EIPR1: variants seen among roughly 807,000 people sequenced by gnomAD.
The protein encoded by EIPR1 is EARP and GARP complex-interacting protein 1.
EIPR1 carries 25 observed loss-of-function variants against 48.1 expected under a neutral mutation model. The observed-to-expected ratio is 0.52, with a 90% confidence interval of 0.38 to 0.73. The LOEUF is 0.73. EIPR1 is among the 30% of genes least tolerant of loss of function. The pLI is 0.00. For missense variants in EIPR1, 415 were observed against 506.2 expected (o/e 0.82, Z 1.73); for synonymous variants, 204 against 201.9 (o/e 1.01, Z -0.09).
At chr2:3,349,176 G>A (rs574829525) in intron 2 of EIPR1, among the ~76,000 whole-genome samples, 1 of 152,376 alleles carries the variant, frequency 6.6e-6, no homozygotes, top group African/African-American at 2.4e-5. Context: ...AGCGAGCAGA[G>A]AGAGGCAGAC....
intron 3 of EIPR1, chr2:3,301,488 G>A (rs1341109140): frequency 1.3e-5 from 2 of 152,188 alleles, no homozygotes; most frequent in African/African-American, 2.4e-5. Context: ...TGAACACTGA[G>A]GAGTCTCCCA....
chr2:3,199,301 G>A (rs532032408), intron 5 of EIPR1, among the ~76,000 whole-genome samples: 8 of 152,172 alleles, frequency 5.3e-5, no homozygotes, highest in East Asian at 3.9e-4. Context: ...CATGCTTTAC[G>A]AACAATGTGT....
rs954268903 is a variant in EIPR1 at position 3,225,195 on chromosome 2, G to T, written c.417-10947C>A. On this transcript the variant is annotated intron_variant, in intron 4 of 8. Coordinates refer to ENST00000382125, the MANE Select transcript of EIPR1 (RefSeq NM_003310.5). ...GAAGTGTCCTTGACAAATAGAATTT[G>T]TGTATATTTAGGTAGTACACTGTGA... 4.0e-5 allele frequency among the ~76,000 whole-genome samples: 6 copies of T among 150,962 alleles called. No individual in the cohort carries two copies. The East Asian group carries it at 1.2e-3, about 29-fold the overall frequency.
intron 1 of EIPR1, among the ~76,000 whole-genome samples, chr2:3,365,871 T>C (rs1200807305): frequency 6.6e-6 from 1 of 152,020 alleles, no homozygotes; most frequent in Non-Finnish European, 1.5e-5. Context: ...CTCCCATGTC[T>C]ACCTCTTTCT....
chr2:3,336,368 C>T (rs1670041885), intron 3 of EIPR1, among the ~76,000 whole-genome samples: 1 of 152,190 alleles, frequency 6.6e-6, no homozygotes, highest in Non-Finnish European at 1.5e-5. Flanking sequence ...GGACCCCCAA[C>T]CTCCCGCTGG....
chr2:3,201,430 C>T (rs556437764), intron 5 of EIPR1, among the ~76,000 whole-genome samples: 1 of 152,362 alleles, frequency 6.6e-6, no homozygotes, highest in African/African-American at 2.4e-5. Context: ...TCAGATTTTA[C>T]AGCATCTCTT....
At chr2:3,355,627 T>C (rs929512484) in intron 1 of EIPR1, among the ~76,000 whole-genome samples, 1 of 151,878 alleles carries the variant, frequency 6.6e-6, no homozygotes, top group Admixed American at 6.6e-5. Flanking sequence ...ATCTGGGCAA[T>C]ATAGCAAGAC....
At chr2:3,196,818 A>T (rs751172882) in intron 6 of EIPR1, 63 bp downstream of exon 6, 138 of 1,583,194 alleles carry the variant, frequency 8.7e-5, no homozygotes, top group Non-Finnish European at 1.1e-4. Context: ...CTCCACCATC[A>T]TCCCGGTTCT....
chr2:3,240,818 A>C (rs1398158323), intron 4 of EIPR1, among the ~76,000 whole-genome samples: 1 of 150,128 alleles, frequency 6.7e-6, no homozygotes, highest in Non-Finnish European at 1.5e-5. Flanking sequence ...ACCCTTCCTA[A>C]AGCAAAGCCA....
At chr2:3,362,343 A>G (rs1405663459) in intron 1 of EIPR1, among the ~76,000 whole-genome samples, 1 of 122,428 alleles carries the variant, frequency 8.2e-6, no homozygotes, top group African/African-American at 3.1e-5. Context: ...TCCCAGCCCC[A>G]CACCCAATAC....
chr2:3,326,667 A>G (rs11677103), intron 3 of EIPR1, among the ~76,000 whole-genome samples: 27,898 of 152,088 alleles, frequency 0.18, 2,661 homozygotes, highest in Non-Finnish European at 0.21. Flanking sequence ...CGTCACACAC[A>G]TTTCACTTCC....
intron 4 of EIPR1, among the ~76,000 whole-genome samples, chr2:3,243,805 G>C (rs1251198143): frequency 6.6e-6 from 1 of 152,116 alleles, no homozygotes; most frequent in Admixed American, 6.5e-5. Flanking sequence ...CCACAACCCG[G>C]GCAAGCCTGT....
At chr2:3,331,937 ACAC>A (rs1192298604) in intron 3 of EIPR1, among the ~76,000 whole-genome samples, 2 of 2,796 alleles carry the variant, frequency 7.2e-4, no homozygotes, top group South Asian at 0.019. Context: ...AGGTGTGTAT[ACAC>A]TCATGAGATG....
rs531094787 is a variant in EIPR1, at chr2:3,371,732, T to C, written c.42+5916A>G. Among the ~76,000 whole-genome samples, 99 of 152,230 alleles carry C rather than the reference T, an allele frequency of 6.5e-4. 1 individual carries two copies. Among genetic ancestry groups the C allele is most frequent in the Middle Eastern group, 3.4e-3 (1 of 294 alleles). On this transcript the variant is annotated intron_variant, in intron 1 of 8. Transcript: ENST00000382125. ...TACAGGAGCACCCAGATTCATAAAGTAAGTCCTGAGTGACCTACAAAGAGA... is the reference window on the plus strand; with the variant it reads ...TACAGGAGCACCCAGATTCATAAAGCAAGTCCTGAGTGACCTACAAAGAGA...
intron 5 of EIPR1, among the ~76,000 whole-genome samples, chr2:3,200,965 C>A (rs867201789): frequency 6.6e-6 from 1 of 152,170 alleles, no homozygotes; most frequent in African/African-American, 2.4e-5. Flanking sequence ...GTGACGGCAG[C>A]ATGTGCAGCA....
At chr2:3,328,069 C>T (rs1053128347) in intron 3 of EIPR1, among the ~76,000 whole-genome samples, 4 of 152,120 alleles carry the variant, frequency 2.6e-5, no homozygotes, top group African/African-American at 9.7e-5. Flanking sequence ...TGGGCCAGAG[C>T]CATAGAAAGG....
intron 3 of EIPR1, among the ~76,000 whole-genome samples, chr2:3,262,768 A>T (rs906711475): frequency 6.6e-6 from 1 of 152,210 alleles, no homozygotes; most frequent in African/African-American, 2.4e-5. Flanking sequence ...AGCTCTGACC[A>T]TGCCTCTGGG....
intron 5 of EIPR1, among the ~76,000 whole-genome samples, 199 bp from the exon 6 acceptor site, chr2:3,197,216 C>T (rs1014878541): frequency 1.3e-5 from 2 of 152,084 alleles, no homozygotes; most frequent in African/African-American, 4.8e-5. Flanking sequence ...TAAAACTGAG[C>T]ACAGCAAAAA....
intron 5 of EIPR1, chr2:3,208,922 C>T (rs895289295): frequency 4.6e-6 from 7 of 1,534,160 alleles, no homozygotes; most frequent in South Asian, 1.2e-5. Context: ...ACACAGGGTC[C>T]GTGCACGCTC....
Sources: gnomAD v4.1 joint callset for allele counts (sites outside exome capture counted in the v4.1 genomes callset) on GRCh38, gnomAD v4.1.1 for gene constraint, MANE v1.5 for transcripts, NCBI Gene and HGNC (gene_info 2026-07-23, HGNC 2026-07-21) for gene names.